Variants in RARB observed in about 807,000 individuals in gnomAD.
RARB encodes HBV-activated protein.
In RARB, 17 loss-of-function variants were observed where a neutral mutation model predicts 51.9. That is an observed-to-expected ratio of 0.33 (90% CI 0.22 to 0.49). The LOEUF (loss-of-function observed/expected upper bound fraction) is 0.49, where lower values mean the gene tolerates loss of function less well. RARB is among the 20% of genes least tolerant of loss of function. The probability of loss-of-function intolerance (pLI) is 0.99; values close to 1 mark genes in which losing one functional copy is unlikely to be tolerated. For missense variants in RARB, 369 were observed against 550.8 expected (o/e 0.67, Z 3.30); for synonymous variants, 215 against 195.4 (o/e 1.10, Z -0.84).
At chr3:24,862,716 G>GC (rs1450567752) in intron 2 of RARB, among the ~76,000 whole-genome samples, 1 of 152,174 alleles carries the variant, frequency 6.6e-6, no homozygotes, top group African/African-American at 2.4e-5. Flanking sequence ...TGGAATGTAT[G>GC]CCCCACGTAT....
chr3:25,559,801 G>A (rs147703165), intron 3 of RARB, among the ~76,000 whole-genome samples: 1,535 of 152,156 alleles, frequency 0.01, 6 homozygotes, highest in Middle Eastern at 0.031. Flanking sequence ...CAAATGGATG[G>A]ATAGGTGGAT....
chr3:25,309,784 C>T (rs921352729), intron 5 of RARB, among the ~76,000 whole-genome samples: 4 of 152,150 alleles, frequency 2.6e-5, no homozygotes, highest in South Asian at 2.1e-4. Context: ...GATGAGCCAC[C>T]GTGCCCAGCC....
intron 3 of RARB, among the ~76,000 whole-genome samples, chr3:25,552,121 G>A (rs538388029): frequency 4.6e-5 from 7 of 151,974 alleles, no homozygotes; most frequent in East Asian, 3.9e-4. Context: ...AGTTGACCAC[G>A]GGCCCCTCTG....
intron 2 of RARB, among the ~76,000 whole-genome samples, chr3:24,967,210 T>G (rs1031492362): frequency 6.6e-6 from 1 of 152,086 alleles, no homozygotes; most frequent in Non-Finnish European, 1.5e-5. Flanking sequence ...GAGATAAGCT[T>G]CTCGTTGGTC....
intron 1 of RARB, among the ~76,000 whole-genome samples, chr3:24,838,531 A>G (rs547996757): frequency 3.9e-5 from 6 of 152,360 alleles, no homozygotes; most frequent in African/African-American, 1.2e-4. Flanking sequence ...TTGGAAAGCT[A>G]TAAGCTTTTG....
intron 5 of RARB, among the ~76,000 whole-genome samples, chr3:25,342,929 A>G (rs1010050442): frequency 1.3e-5 from 2 of 152,086 alleles, no homozygotes; most frequent in African/African-American, 4.8e-5. Flanking sequence ...GAGTATCAGA[A>G]AAAGAGATGC....
At chr3:25,188,005 G>A (rs1193991330) in intron 5 of RARB, among the ~76,000 whole-genome samples, 1 of 152,050 alleles carries the variant, frequency 6.6e-6, no homozygotes, top group East Asian at 1.9e-4. Context: ...AATGTCGATG[G>A]AGAAATGAAT....
exon 5 of RARB, chr3:25,174,485 C>G: frequency 7.4e-7 from 1 of 1,352,142 alleles, no homozygotes; most frequent in African/African-American, 1.5e-5. Flanking sequence ...GTTACTCTTT[C>G]CACCTGTCAT....
At chr3:24,945,555 C>T (rs569305377) in intron 2 of RARB, among the ~76,000 whole-genome samples, 80 of 152,344 alleles carry the variant, frequency 5.3e-4, no homozygotes, top group Non-Finnish European at 2.8e-4. Context: ...GATTCTTTCT[C>T]TGGGTGTCTT....
At chr3:24,897,514 C>T (rs1047269272) in intron 2 of RARB, among the ~76,000 whole-genome samples, 2 of 151,920 alleles carry the variant, frequency 1.3e-5, no homozygotes, top group Non-Finnish European at 2.9e-5. Context: ...CTTTCAAATT[C>T]GATAACTGTA....
At chr3:25,472,540 A>G (rs1695747631) in intron 2 of RARB, among the ~76,000 whole-genome samples, 1 of 152,220 alleles carries the variant, frequency 6.6e-6, no homozygotes, top group Admixed American at 6.5e-5. Context: ...TTAGAGAAGT[A>G]GGTGGAATCG....
chr3:25,373,612 C>T (rs762102433), intron 5 of RARB, among the ~76,000 whole-genome samples: 33 of 152,178 alleles, frequency 2.2e-4, no homozygotes, highest in Admixed American at 2.2e-3. Context: ...CAATGTTCTA[C>T]AGCACTTAAA....
chr3:25,503,881 T>C (rs1238000340), intron 3 of RARB, among the ~76,000 whole-genome samples: 1 of 152,152 alleles, frequency 6.6e-6, no homozygotes, highest in Non-Finnish European at 1.5e-5. Context: ...CACTCACCTC[T>C]CTCATTTGAC....
rs80200787 is a variant in RARB at position 25,059,728 on chromosome 3, G to A, written c.-379-397G>A. 7.5e-3 allele frequency among the ~76,000 whole-genome samples: 1,134 copies of A among 151,540 alleles called. 16 individuals are homozygous for A. The highest frequency in any genetic ancestry group is 0.027 in the African/African-American group (1,101 of 41,378). ...TACAAGAGAATACGAGTAATAGAAGGGGAACAGCAACAAAACCTCCTATTT... is the reference window on the plus strand; with the variant it reads ...TACAAGAGAATACGAGTAATAGAAGAGGAACAGCAACAAAACCTCCTATTT... On this transcript the variant is annotated intron_variant, in intron 2 of 11. Coordinates refer to the RARB transcript ENST00000383772.
At chr3:25,514,395 G>A (rs1698055717) in intron 3 of RARB, among the ~76,000 whole-genome samples, 1 of 152,024 alleles carries the variant, frequency 6.6e-6, no homozygotes, top group Non-Finnish European at 1.5e-5. Flanking sequence ...TTTAGTACTG[G>A]GACCAAGCAA....
At chr3:25,503,652 G>A (rs571489563) in intron 3 of RARB, among the ~76,000 whole-genome samples, 1 of 152,242 alleles carries the variant, frequency 6.6e-6, no homozygotes, top group African/African-American at 2.4e-5. Flanking sequence ...AAAAATAAAT[G>A]TATTTTTGTT....
chr3:25,106,349 C>T (rs147098692), intron 3 of RARB, among the ~76,000 whole-genome samples: 3 of 149,756 alleles, frequency 2.0e-5, no homozygotes, highest in African/African-American at 7.4e-5. Flanking sequence ...AATTGCAGCT[C>T]ACTGCAGCCT....
chr3:25,221,683 C>G (rs1346241094), intron 5 of RARB, among the ~76,000 whole-genome samples: 1 of 152,170 alleles, frequency 6.6e-6, no homozygotes. Flanking sequence ...CCTCTTCCCT[C>G]TCCCATCTCT....
At chr3:25,440,011 T>C (rs1708594092) in intron 1 of RARB, among the ~76,000 whole-genome samples, 1 of 152,200 alleles carries the variant, frequency 6.6e-6, no homozygotes, top group South Asian at 2.1e-4. Flanking sequence ...GGTTTTGTTT[T>C]GGTTTTTTTC....
Sources: gnomAD v4.1 joint callset for allele counts (sites outside exome capture counted in the v4.1 genomes callset) on GRCh38, gnomAD v4.1.1 for gene constraint, MANE v1.5 for transcripts, NCBI Gene and HGNC (gene_info 2026-07-23, HGNC 2026-07-21) for gene names.